CNTNAP3: variants seen among roughly 807,000 people sequenced by gnomAD.
CNTNAP3 encodes contactin-associated protein-like 3.
A neutral mutation model predicts 92.1 loss-of-function variants in CNTNAP3; 36 were observed. The observed-to-expected ratio is 0.39, with a 90% CI of 0.30 to 0.52. CNTNAP3 has a LOEUF of 0.52. CNTNAP3 is among the 20% of genes least tolerant of loss of function. The pLI, the probability that CNTNAP3 is intolerant of heterozygous loss-of-function variation, is 0.76. For missense variants in CNTNAP3, 534 were observed against 1,069.6 expected, an observed-to-expected ratio of 0.50 and a Z score of 6.98; for synonymous variants, 232 against 422.3, an observed-to-expected ratio of 0.55 and a Z score of 5.53.
At chr9:39,165,465 CTAA>C (rs755682657) in intron 9 of CNTNAP3, among the ~76,000 whole-genome samples, 22 of 86,444 alleles carry the variant, frequency 2.5e-4, no homozygotes, top group South Asian at 4.7e-4. Flanking sequence ...GAGCTGTGTA[CTAA>C]TAATGATTCA....
intron 18 of CNTNAP3, among the ~76,000 whole-genome samples, chr9:39,089,932 T>C (rs548809253): frequency 2.0e-5 from 3 of 152,142 alleles, no homozygotes; most frequent in Admixed American, 1.3e-4. Context: ...CAGTTGTTGG[T>C]TTTTTGTTTT....
In CNTNAP3 at chr9:39,212,903, G is replaced by A. The variant is rs1467673303; in HGVS notation, c.391-19628C>T. Among the ~76,000 whole-genome samples, 4 of 5,734 alleles carry A rather than the reference G, an allele frequency of 7.0e-4. 2 individuals carry two copies. The highest frequency in any genetic ancestry group is 7.8e-4 in the African/African-American group (4 of 5,156). The allele number at this position is 5,734 out of a possible 152,430, so 3.8% of individuals were successfully genotyped here. A position where few individuals can be genotyped will look rare whatever the true frequency, so the allele number is the denominator to read the frequency against. On this transcript the variant is annotated intron_variant, in intron 3 of 23. Coordinates refer to ENST00000297668, the MANE Select transcript of CNTNAP3 (RefSeq NM_033655.5). ...AATTCACCTGACATTTGCTTGCTCT[G>A]ATGACAAAACTCTGCCCTACCTGAT...
At chr9:39,138,326 T>G (rs1034365558) in intron 12 of CNTNAP3, among the ~76,000 whole-genome samples, 13 of 152,122 alleles carry the variant, frequency 8.5e-5, no homozygotes, top group African/African-American at 1.2e-4. Flanking sequence ...TAGGGAGCCT[T>G]AGCCTCTGGG....
At position 39,068,898 on chromosome 9, in the gene CNTNAP3, T is replaced by A. The variant is rs1825574186; in HGVS notation, c.*4992A>T. Among the ~76,000 whole-genome samples, 1 of 152,310 alleles carries A rather than the reference T, an allele frequency of 6.6e-6. No individual in the cohort carries two copies. Among genetic ancestry groups the A allele is most frequent in the South Asian group, 2.1e-4 (1 of 4,838 alleles). ...GTACTGAAAACCATAGTTTCATATA[T>A]TTTGTCTGGTTTGAGGTTGTTTCAT... On this transcript the variant is annotated 3_prime_UTR_variant, in exon 24 of 24. Transcript: ENST00000297668.
chr9:39,078,955 A>C (rs1313828799), intron 21 of CNTNAP3, 35 bp from the exon 22 acceptor site: 35 of 1,528,186 alleles, frequency 2.3e-5, no homozygotes, highest in Non-Finnish European at 3.0e-5. Context: ...GTTAGGGCGC[A>C]GCGGCGGAGA....
intron 15 of CNTNAP3, among the ~76,000 whole-genome samples, chr9:39,108,795 A>G (rs527288497): frequency 2.0e-5 from 3 of 152,308 alleles, no homozygotes; most frequent in Non-Finnish European, 4.4e-5. Flanking sequence ...AGAGTGTCCA[A>G]TAATTTCCTA....
intron 13 of CNTNAP3, among the ~76,000 whole-genome samples, chr9:39,125,601 T>TTA (rs879408194): frequency 1.7e-3 from 259 of 152,234 alleles, no homozygotes; most frequent in Admixed American, 3.2e-3. Flanking sequence ...CCTCTTTAAA[T>TTA]ATAAAATAGC....
Position 39,067,064 on chromosome 9 carries a change from A to C in CNTNAP3, c.*6826T>G, listed in dbSNP as rs1417364274. On this transcript the variant is annotated 3_prime_UTR_variant, in exon 24 of 24. Coordinates refer to ENST00000297668, the MANE Select transcript of CNTNAP3 (RefSeq NM_033655.5). ...TTTGTTTTTTTTCTGTCTCTGTTTC[A>C]TTTTGGATGCTTTCTACTGCTATAT... Among the ~76,000 whole-genome samples, 1 of 152,248 alleles carries C rather than the reference A, an allele frequency of 6.6e-6. No individual in the cohort carries two copies. The highest frequency in any genetic ancestry group is 1.5e-5 in the Non-Finnish European group (1 of 68,040).
At position 39,070,174 on chromosome 9, in the gene CNTNAP3, TAAAGA is replaced by T. The variant is rs935152285; in HGVS notation, c.*3711_*3715del. Among the ~76,000 whole-genome samples the T allele has an allele frequency of 4.9e-5, 6 of 123,112 alleles. No homozygotes were observed. Among genetic ancestry groups the T allele is most frequent in the Non-Finnish European group, 8.2e-5 (5 of 60,748 alleles). 80.8% of individuals were successfully genotyped at this position (123,112 alleles called of 152,430 possible). A position where few individuals can be genotyped will look rare whatever the true frequency, so the allele number is the denominator to read the frequency against. ...ATACATGAAGAAATTAATGTTTTAT[TAAAGA>T]AAAAAGCCATCAAAATCAATTTTCC... On this transcript the variant is annotated 3_prime_UTR_variant, in exon 24 of 24. Coordinates refer to ENST00000297668, the MANE Select transcript of CNTNAP3 (RefSeq NM_033655.5).
chr9:39,086,860 A>C lies in CNTNAP3; in HGVS notation c.3221-11T>G. The C allele has an allele frequency of 3.8e-6, 6 of 1,589,576 alleles. No individual in the cohort carries two copies. In the South Asian group the frequency reaches 6.8e-5, roughly 18 times the overall value. On this transcript the variant is annotated splice_polypyrimidine_tract_variant and intron_variant, in intron 19 of 23. Transcript: ENST00000297668. ...TAATCTGCAAACTTCCTAAAAAGAA[A>C]AATAAATGGCATTTAAAATTAAAGT...
At chr9:39,108,056 C>T (rs1408200238) in intron 15 of CNTNAP3, among the ~76,000 whole-genome samples, 1 of 152,018 alleles carries the variant, frequency 6.6e-6, no homozygotes, top group Admixed American at 6.6e-5. Context: ...CACAAAATTT[C>T]CGGGTCAGAG....
chr9:39,127,180 C>T (rs1480359310), intron 13 of CNTNAP3, among the ~76,000 whole-genome samples: 1 of 151,878 alleles, frequency 6.6e-6, no homozygotes, highest in Non-Finnish European at 1.5e-5. Context: ...AAAGAATATG[C>T]TTCAAAGAAA....
intron 15 of CNTNAP3, among the ~76,000 whole-genome samples, chr9:39,106,008 T>G (rs1419762674): frequency 1.3e-5 from 2 of 152,112 alleles, no homozygotes; most frequent in African/African-American, 2.4e-5. Flanking sequence ...CCCACATGTA[T>G]AACTCTTTCC....
chr9:39,082,038 G>C (rs1825953852), intron 21 of CNTNAP3, among the ~76,000 whole-genome samples: 1 of 148,370 alleles, frequency 6.7e-6, no homozygotes, highest in Non-Finnish European at 1.5e-5. Context: ...AGTGAGCCGA[G>C]TTCACGCCAC....
rs1418282222 is a variant in CNTNAP3, at chr9:39,152,051, C to CA, written c.1478-2075_1478-2074insT. 1.1e-4 allele frequency among the ~76,000 whole-genome samples: 15 copies of CA among 141,012 alleles called. 1 individual carries two copies. Among genetic ancestry groups the CA allele is most frequent in the Admixed American group, 2.1e-4 (3 of 14,554 alleles). 92.5% of individuals were successfully genotyped at this position (141,012 alleles called of 152,430 possible). ...AAAAAAATGAAGTATAGAATTTGTA[C>CA]TTATGTGTTTTTCATTGACCTCTCT... On this transcript the variant is annotated intron_variant, in intron 9 of 23. Coordinates refer to ENST00000297668, the MANE Select transcript of CNTNAP3 (RefSeq NM_033655.5).
At chr9:39,085,082 T>A (rs1183829127) in intron 21 of CNTNAP3, 2 of 141,582 alleles carry the variant, frequency 1.4e-5, no homozygotes, top group Non-Finnish European at 3.1e-5. Context: ...TTACATAAGA[T>A]GGGTTTTTTT....
intron 13 of CNTNAP3, among the ~76,000 whole-genome samples, chr9:39,121,481 T>C (rs1821017152): frequency 6.6e-6 from 1 of 152,028 alleles, no homozygotes; most frequent in South Asian, 2.1e-4. Flanking sequence ...CTGCACTAAC[T>C]AAAAATAAAC....
At chr9:39,143,166 A>C (rs1344262629) in intron 11 of CNTNAP3, among the ~76,000 whole-genome samples, 1 of 122,704 alleles carries the variant, frequency 8.1e-6, no homozygotes, top group African/African-American at 3.5e-5. Flanking sequence ...TGGCCTTTGA[A>C]ATTCAGAGGG....
At chr9:39,106,133 C>T (rs1227764492) in intron 15 of CNTNAP3, among the ~76,000 whole-genome samples, 5 of 151,358 alleles carry the variant, frequency 3.3e-5, no homozygotes, top group Non-Finnish European at 4.4e-5. Context: ...CCTGCAGATC[C>T]CCTAGTCCCA....
Sources: gnomAD v4.1 joint callset for allele counts (sites outside exome capture counted in the v4.1 genomes callset) on GRCh38, gnomAD v4.1.1 for gene constraint, MANE v1.5 for transcripts, NCBI Gene and HGNC (gene_info 2026-07-23, HGNC 2026-07-21) for gene names.